The following IQSEC3 variants were observed in gnomAD, a reference collection of about 807,000 sequenced individuals.
The protein encoded by IQSEC3 is IQ motif and SEC7 domain-containing protein 3.
Under a neutral mutation model 105.4 loss-of-function variants are expected in IQSEC3, and 50 were observed. The ratio of observed to expected loss-of-function variants is 0.47; its 90% CI spans 0.38 to 0.60. The LOEUF (loss-of-function observed/expected upper bound fraction) is 0.60. Ranked by LOEUF, IQSEC3 falls within the 20% of genes least tolerant of loss-of-function variation. The pLI, the probability that IQSEC3 is intolerant of heterozygous loss-of-function variation, is 0.00. For missense variants in IQSEC3, 1,415 were observed against 1,630.0 expected, an observed-to-expected ratio of 0.87 and a Z score of 2.27; for synonymous variants, 708 against 746.0, an observed-to-expected ratio of 0.95 and a Z score of 0.83.
chr12:158,385 A>C (rs560244997), intron 7 of IQSEC3, among the ~76,000 whole-genome samples: 1 of 151,582 alleles, frequency 6.6e-6, no homozygotes, highest in Non-Finnish European at 1.5e-5. Flanking sequence ...GCTTTTTTCT[A>C]TCTCTTTTTT....
chr12:77,188 T>C (rs1251831829), intron 1 of IQSEC3, among the ~76,000 whole-genome samples: 1 of 152,280 alleles, frequency 6.6e-6, no homozygotes, highest in Non-Finnish European at 1.5e-5. Context: ...TTGATGCGAC[T>C]TAACGCATGG....
chr12:78,496 A>C (rs547823939), intron 1 of IQSEC3, among the ~76,000 whole-genome samples: 1 of 135,296 alleles, frequency 7.4e-6, no homozygotes, highest in African/African-American at 3.0e-5. Flanking sequence ...TGTACCCAAG[A>C]CACCTCAGCA....
At chr12:132,485 G>C (rs1275536189) in intron 3 of IQSEC3, among the ~76,000 whole-genome samples, 1 of 152,186 alleles carries the variant, frequency 6.6e-6, no homozygotes, top group Admixed American at 6.5e-5. Flanking sequence ...GATGGTGGGA[G>C]TAAGAAGGAC....
chr12:166,172 G>A (rs915038507), intron 11 of IQSEC3: 4 of 417,408 alleles, frequency 9.6e-6, no homozygotes, highest in Middle Eastern at 6.1e-4. Flanking sequence ...GAGCTCTGCT[G>A]TTTTACCAGG....
In IQSEC3 at chr12:151,505, C is replaced by G. The variant is rs568594169; in HGVS notation, c.2154-5520C>G. 5.9e-5 allele frequency among the ~76,000 whole-genome samples: 9 copies of G among 152,328 alleles called. No individual in the cohort carries two copies. In the East Asian group the frequency reaches 1.5e-3, roughly 26 times the overall value. On this transcript the variant is annotated intron_variant, in intron 5 of 13. Coordinates refer to ENST00000538872, the MANE Select transcript of IQSEC3 (RefSeq NM_001170738.2). ...GCCCCATTATCTGTAGCTTGGACCT[C>G]TGCAGTAGCATCCTAACTGGGCCCC... is the stretch of plus-strand genomic sequence containing the variant.
chr12:143,622 GGC>G (rs1866128860), intron 5 of IQSEC3: 2 of 153,554 alleles, frequency 1.3e-5, no homozygotes, highest in Non-Finnish European at 2.6e-5. Context: ...GTTCATGCAG[GGC>G]AGTGCTGGGG....
At chr12:112,787 G>A (rs1436963835) in intron 2 of IQSEC3, among the ~76,000 whole-genome samples, 1 of 152,202 alleles carries the variant, frequency 6.6e-6, no homozygotes, top group African/African-American at 2.4e-5. Flanking sequence ...GGTGGGGTGC[G>A]AATGTTGACC....
At chr12:165,962 G>C in intron 11 of IQSEC3, 72 bp downstream of exon 11, 1 of 1,539,080 alleles carries the variant, frequency 6.5e-7, no homozygotes, top group East Asian at 2.3e-5. Flanking sequence ...GCTTGAGACA[G>C]ACATGCCTGA....
rs1190397536 is a variant in IQSEC3, at chr12:163,613, G to A, written c.2703G>A (p.Leu901=). The change falls in exon 9 of 14, where the codon CTG becomes CTA. Residue 901 remains leucine (L), a synonymous_variant. Coordinates refer to ENST00000538872, the MANE Select transcript of IQSEC3 (RefSeq NM_001170738.2). ...GGGAGGTGTTCCTCTTCAATGACCTGCTGGTGGTGAGTGGCCTCCGCTCCG... is the reference window on the plus strand; with the variant it reads ...GGGAGGTGTTCCTCTTCAATGACCTACTGGTGGTGAGTGGCCTCCGCTCCG... ...HQREVFLFND[L]LVILKLCPKK... The A allele has an allele frequency of 1.3e-6, 2 of 1,497,510 alleles. No individual in the cohort carries two copies. The highest frequency in any genetic ancestry group is 3.3e-5 in the Admixed American group (2 of 59,792). 92.8% of individuals were successfully genotyped at this position (1,497,510 alleles called of 1,614,324 possible). A position where few individuals can be genotyped will look rare whatever the true frequency, so the allele number is the denominator to read the frequency against.
rs1555094736 is a variant in IQSEC3 at position 157,479 on chromosome 12, G to A, written c.2277-49G>A. On this transcript the variant is annotated intron_variant, in intron 6 of 13. Transcript: ENST00000538872. ...CCCCCTTCCTTTGTTGGGCCCGGGG[G>A]AGGGTGGGCGGGGGCTCAGCGTCCG... is the stretch of plus-strand genomic sequence containing the variant. 9 of 1,563,404 alleles carry A rather than the reference G, an allele frequency of 5.8e-6. No individual in the cohort carries two copies. In the Admixed American group the frequency reaches 7.1e-5, roughly 12 times the overall value.
At chr12:108,814 C>T (rs909751960) in intron 2 of IQSEC3, among the ~76,000 whole-genome samples, 1 of 152,242 alleles carries the variant, frequency 6.6e-6, no homozygotes, top group African/African-American at 2.4e-5. Context: ...CTGATGGGCA[C>T]TCTCATCAGC....
intron 1 of IQSEC3, among the ~76,000 whole-genome samples, chr12:90,754 G>A (rs774918321): frequency 1.1e-4 from 16 of 152,128 alleles, no homozygotes; most frequent in Admixed American, 3.3e-4. Context: ...ATCCAGTGAA[G>A]TCCTACAACT....
At chr12:131,433 G>A (rs1865597805) in intron 3 of IQSEC3, among the ~76,000 whole-genome samples, 2 of 152,216 alleles carry the variant, frequency 1.3e-5, no homozygotes, top group Admixed American at 1.3e-4. Context: ...AGACGGGAGG[G>A]CCTCGCTGTC....
rs782260697 is a variant in IQSEC3, at chr12:138,942, G to C, written c.1579G>C (p.Ala527Pro). The change falls in exon 4 of 14, where the codon GCC becomes CCC. Residue 527 changes from alanine (A) to proline (P), a missense_variant. By Grantham distance (27) the Ala-to-Pro change is conservative. Around this residue, in one of 6 missense-constraint regions of IQSEC3, gnomAD observed 720 missense variants for 633.0 expected, o/e 1.14. Coordinates refer to ENST00000538872, the MANE Select transcript of IQSEC3 (RefSeq NM_001170738.2). This position sits in a 1 kb window ranked among gnomAD's most constrained non-coding sequence, Gnocchi z 7.1. ...QAPAEPAAGK[A>P]EQGETSGREA... is the part of the protein sequence containing the mutation. Reference sequence around the variant, plus strand: ...CCCCGCAGAGCCCGCGGCGGGCAAGGCCGAGCAGGGCGAGACCTCTGGGCG... The same window carrying C: ...CCCCGCAGAGCCCGCGGCGGGCAAGCCCGAGCAGGGCGAGACCTCTGGGCG... 1 of 1,581,112 alleles carries C rather than the reference G, an allele frequency of 6.3e-7. No individual in the cohort carries two copies. The highest frequency in any genetic ancestry group is 8.6e-7 in the Non-Finnish European group (1 of 1,164,958).
intron 2 of IQSEC3, among the ~76,000 whole-genome samples, chr12:121,699 G>A (rs2136961040): frequency 6.6e-6 from 1 of 152,234 alleles, no homozygotes; most frequent in Non-Finnish European, 1.5e-5. Flanking sequence ...GGGGCTAAAT[G>A]TTGAGAACAC....
At chr12:170,168 G>T (rs1430685706) in intron 12 of IQSEC3, among the ~76,000 whole-genome samples, 2 of 152,188 alleles carry the variant, frequency 1.3e-5, no homozygotes, top group African/African-American at 4.8e-5. Context: ...CTGCCATCGT[G>T]CGTCCGTAAT....
intron 2 of IQSEC3, among the ~76,000 whole-genome samples, chr12:117,852 A>AG (rs1432343038): frequency 3.3e-5 from 5 of 152,210 alleles, no homozygotes; most frequent in African/African-American, 9.6e-5. Flanking sequence ...GCCCTCCTGC[A>AG]GGGGCTTCTG....
intron 3 of IQSEC3, 105 bp downstream of exon 3, chr12:126,017 G>GCA: frequency 1.7e-6 from 2 of 1,173,386 alleles, no homozygotes; most frequent in Non-Finnish European, 2.3e-6. Flanking sequence ...TCCGCTACAG[G>GCA]CACACCTCTT....
In IQSEC3 at chr12:163,533, C is replaced by T. The variant is rs994946060; in HGVS notation, c.2623C>T (p.Arg875Trp). Reference sequence around the variant, plus strand: ...CCACCGCCGCCTGGTGTGCTGCAGCCGGCTCTTCGAGGTGACGGATGTGAA... The same window carrying T: ...CCACCGCCGCCTGGTGTGCTGCAGCTGGCTCTTCGAGGTGACGGATGTGAA... ...VPHRRLVCCS[R>W]LFEVTDVNKL... The change falls in exon 9 of 14, where the codon CGG becomes TGG. Residue 875 changes from arginine to tryptophan, a missense_variant. Physicochemically the swap from Arg to Trp is moderately radical, Grantham distance 101. Transcript: ENST00000538872. The T allele has an allele frequency of 6.2e-7, 1 of 1,611,664 alleles. No homozygotes were observed. The highest frequency in any genetic ancestry group is 1.1e-5 in the South Asian group (1 of 91,016).
Sources: gnomAD v4.1 joint callset for allele counts (sites outside exome capture counted in the v4.1 genomes callset) on GRCh38, gnomAD v4.1.1 for gene constraint, gnomAD v4.1.1 regional missense constraint, Gnocchi (gnomAD v3.1) non-coding constraint, MANE v1.5 for transcripts, NCBI Gene and HGNC (gene_info 2026-07-23, HGNC 2026-07-21) for gene names.